KCND3: variants seen among roughly 807,000 people sequenced by gnomAD.
KCND3 encodes potassium voltage-gated channel subfamily D member 3.
KCND3 carries 9 observed loss-of-function variants against 51.1 expected under a neutral mutation model. The observed-to-expected ratio is 0.18, with a 90% CI of 0.11 to 0.31. The LOEUF (loss-of-function observed/expected upper bound fraction) is 0.31. Ranked by LOEUF, KCND3 falls within the 10% of genes least tolerant of loss-of-function variation. The pLI, the probability that KCND3 is intolerant of heterozygous loss-of-function variation, is 1.00. For missense variants in KCND3, 526 were observed against 903.8 expected, an observed-to-expected ratio of 0.58 and a Z score of 5.36; for synonymous variants, 349 against 368.0, an observed-to-expected ratio of 0.95 and a Z score of 0.59.
At chr1:111,815,060 G>A (rs986638829) in intron 2 of KCND3, among the ~76,000 whole-genome samples, 16 of 152,196 alleles carry the variant, frequency 1.1e-4, no homozygotes, top group African/African-American at 3.9e-4. Flanking sequence ...GGAACAACCG[G>A]CTCTCTCTCT....
intron 2 of KCND3, among the ~76,000 whole-genome samples, chr1:111,789,920 C>G (rs922076546): frequency 8.5e-5 from 13 of 152,124 alleles, no homozygotes; most frequent in African/African-American, 2.7e-4. Context: ...GTGTGGTTAG[C>G]AGGGTTTGCA....
Position 111,773,188 on chromosome 1 carries a change from A to G in KCND3, c.*2889T>C, listed in dbSNP as rs908092492. The stretch of plus-strand genomic sequence containing the variant: ...TGAACGTGAAGTGGAAGGAACACAA[A>G]ACATTCTGTTGATTAGGACCAATAA... On this transcript the variant is annotated 3_prime_UTR_variant, in exon 8 of 8. Transcript: ENST00000302127. 2 of 152,176 alleles carry G rather than the reference A, an allele frequency of 1.3e-5. No homozygotes were observed. The highest frequency in any genetic ancestry group is 4.8e-5 in the African/African-American group (2 of 41,438). The allele number at this position is 152,176 out of a possible 1,614,324, so 9.4% of individuals were successfully genotyped here.
chr1:111,893,213 C>T (rs1669930839), intron 2 of KCND3, among the ~76,000 whole-genome samples: 1 of 152,174 alleles, frequency 6.6e-6, no homozygotes, highest in Non-Finnish European at 1.5e-5. Flanking sequence ...TATGGCAGCC[C>T]GGCAAGTACA....
At chr1:111,940,054 C>T (rs1672422255) in intron 2 of KCND3, among the ~76,000 whole-genome samples, 1 of 140,726 alleles carries the variant, frequency 7.1e-6, no homozygotes. Flanking sequence ...TCTTTATATC[C>T]TTCGCCTACT....
intron 2 of KCND3, among the ~76,000 whole-genome samples, chr1:111,880,345 A>G (rs1669244804): frequency 6.6e-6 from 1 of 152,166 alleles, no homozygotes; most frequent in African/African-American, 2.4e-5. Flanking sequence ...TAAACTGACA[A>G]CTGCTGCTGG....
chr1:111,984,899 T>C (rs1675182143), intron 1 of KCND3, among the ~76,000 whole-genome samples: 1 of 152,202 alleles, frequency 6.6e-6, no homozygotes, highest in African/African-American at 2.4e-5. Context: ...GATTCTCTTC[T>C]TCCTTTGGGC....
At chr1:111,789,610 G>T (rs747949865) in intron 2 of KCND3, among the ~76,000 whole-genome samples, 2 of 152,210 alleles carry the variant, frequency 1.3e-5, no homozygotes, top group Non-Finnish European at 2.9e-5. Flanking sequence ...GCAAAAGGAG[G>T]TCTGAGAAAC....
intron 2 of KCND3, among the ~76,000 whole-genome samples, chr1:111,790,424 CATG>C (rs1308247911): frequency 6.6e-6 from 1 of 152,174 alleles, no homozygotes; most frequent in Non-Finnish European, 1.5e-5. Flanking sequence ...CCCTCTTTCC[CATG>C]ATGATGTAAA....
At chr1:111,792,643 C>T (rs905287943) in intron 2 of KCND3, among the ~76,000 whole-genome samples, 1 of 152,162 alleles carries the variant, frequency 6.6e-6, no homozygotes, top group Admixed American at 6.5e-5. Context: ...GGCCATGATA[C>T]TTAAATCCTC....
At chr1:111,821,173 A>G (rs1666330196) in intron 2 of KCND3, among the ~76,000 whole-genome samples, 1 of 152,184 alleles carries the variant, frequency 6.6e-6, no homozygotes, top group South Asian at 2.1e-4. Context: ...GGTGCTCAGT[A>G]AATGCCTGTG....
chr1:111,921,717 G>A (rs1434981277), intron 2 of KCND3, among the ~76,000 whole-genome samples: 3 of 152,194 alleles, frequency 2.0e-5, no homozygotes, highest in Non-Finnish European at 4.4e-5. Flanking sequence ...TCCAAGTAAT[G>A]TTTTATCTTT....
chr1:111,850,112 G>A (rs982156587), intron 2 of KCND3, among the ~76,000 whole-genome samples: 4 of 152,086 alleles, frequency 2.6e-5, no homozygotes, highest in Admixed American at 2.0e-4. Flanking sequence ...CTTTAACTCT[G>A]TCCTTTTCTC....
intron 2 of KCND3, among the ~76,000 whole-genome samples, chr1:111,835,252 G>A (rs911998244): frequency 1.3e-5 from 2 of 152,182 alleles, no homozygotes; most frequent in African/African-American, 2.4e-5. Context: ...GTGGGTAGGC[G>A]GTTGGAGGGC....
At chr1:111,863,992 T>A (rs1396137431) in intron 2 of KCND3, among the ~76,000 whole-genome samples, 1 of 152,036 alleles carries the variant, frequency 6.6e-6, no homozygotes, top group Admixed American at 6.5e-5. Context: ...AAGAATGGAA[T>A]CTGGGCTGAC....
At position 111,776,672 on chromosome 1, in the gene KCND3, C is replaced by T. The variant is rs114177524; in HGVS notation, c.1766+354G>A. On this transcript the variant is annotated intron_variant, in intron 7 of 7. Transcript: ENST00000302127. ...TCAGCCTAGGATAAGCCATGAGTAACACAGATACGAAAACTGTTTCTTGAG... is the reference window on the plus strand; with the variant it reads ...TCAGCCTAGGATAAGCCATGAGTAATACAGATACGAAAACTGTTTCTTGAG... Among the ~76,000 whole-genome samples, 312 of 152,226 alleles carry T rather than the reference C, an allele frequency of 2.0e-3. 1 individual carries two copies. The highest frequency in any genetic ancestry group is 7.0e-3 in the African/African-American group (291 of 41,522).
chr1:111,932,218 C>A (rs896807494), intron 2 of KCND3, among the ~76,000 whole-genome samples: 2 of 152,162 alleles, frequency 1.3e-5, no homozygotes, highest in African/African-American at 4.8e-5. Flanking sequence ...ACCTTAATAC[C>A]ACCTGCTGCC....
At position 111,858,846 on chromosome 1, in the gene KCND3, C is replaced by CA. The variant is rs577080025; in HGVS notation, c.1107-71741_1107-71740insT. Among the ~76,000 whole-genome samples, 14 of 152,350 alleles carry CA rather than the reference C, an allele frequency of 9.2e-5. No homozygotes were observed. The South Asian group carries it at 2.9e-3, about 32-fold the overall frequency. On this transcript the variant is annotated intron_variant, in intron 2 of 7. Transcript: ENST00000302127. ...TTCTGCTCTAGACACTCCCCTGCCC[C>CA]CAGGCTGGTCCTGGATCAAATGAGG...
intron 1 of KCND3, among the ~76,000 whole-genome samples, chr1:111,987,135 TTTCA>T (rs1675327310): frequency 6.6e-6 from 1 of 152,086 alleles, no homozygotes; most frequent in Non-Finnish European, 1.5e-5. Context: ...GCCCTTCCCC[TTTCA>T]TTCTCCTAGT....
chr1:111,916,698 T>A (rs1354586178), intron 2 of KCND3, among the ~76,000 whole-genome samples: 1 of 152,056 alleles, frequency 6.6e-6, no homozygotes, highest in African/African-American at 2.4e-5. Flanking sequence ...ATACAAGACA[T>A]GAAAGATGGA....
Sources: gnomAD v4.1 joint callset for allele counts (sites outside exome capture counted in the v4.1 genomes callset) on GRCh38, gnomAD v4.1.1 for gene constraint, MANE v1.5 for transcripts, NCBI Gene and HGNC (gene_info 2026-07-23, HGNC 2026-07-21) for gene names.